Variants in SLC39A11 observed in about 807,000 individuals in gnomAD.
The protein encoded by SLC39A11 is solute carrier family 39 member 11, also known as zinc transporter ZIP11.
SLC39A11 carries 33 observed loss-of-function variants against 36.1 expected under a neutral mutation model. The observed-to-expected ratio is 0.91, with a 90% CI of 0.69 to 1.22. The LOEUF (loss-of-function observed/expected upper bound fraction) is 1.22, where lower values mean the gene tolerates loss of function less well. Ranked by LOEUF, SLC39A11 falls within the 50% of genes most tolerant of loss-of-function variation. SLC39A11 has a pLI of 0.00. For missense variants in SLC39A11, 432 were observed against 430.3 expected (o/e 1.00, Z -0.03); for synonymous variants, 166 against 170.3 (o/e 0.97, Z 0.20).
At chr17:72,754,051 TACACACACACACACACACAC>T (rs58802713) in intron 6 of SLC39A11, among the ~76,000 whole-genome samples, 8 of 108,068 alleles carry the variant, frequency 7.4e-5, no homozygotes, top group Admixed American at 5.1e-4. Flanking sequence ...TATATACACA[TACACACACACACACACACAC>T]ACACACACAC....
rs1433974732 is a variant in SLC39A11, at chr17:72,723,325, T to A, written c.671+13325A>T. Among the ~76,000 whole-genome samples the A allele has an allele frequency of 7.3e-5, 8 of 109,882 alleles. No homozygotes were observed. The East Asian group carries it at 1.0e-3, about 14-fold the overall frequency. The allele number at this position is 109,882 out of a possible 152,430, so 72.1% of individuals were successfully genotyped here. A position where few individuals can be genotyped will look rare whatever the true frequency, so the allele number is the denominator to read the frequency against. On this transcript the variant is annotated intron_variant, in intron 7 of 9. Coordinates refer to ENST00000255559, the MANE Select transcript of SLC39A11 (RefSeq NM_139177.4). Reference sequence around the variant, plus strand: ...TTGTCTTTGTAGGAGTGTAAGAGTGTGTGTGTGTGTGTGTGTGTGTGTGTG... The same window carrying A: ...TTGTCTTTGTAGGAGTGTAAGAGTGAGTGTGTGTGTGTGTGTGTGTGTGTG...
At chr17:72,882,216 C>A (rs952270196) in intron 5 of SLC39A11, among the ~76,000 whole-genome samples, 1 of 152,070 alleles carries the variant, frequency 6.6e-6, no homozygotes, top group African/African-American at 2.4e-5. Flanking sequence ...TGTAGCCAGG[C>A]ATGGTGGTGC....
chr17:72,946,655 T>C (rs1417822709), intron 5 of SLC39A11, among the ~76,000 whole-genome samples: 4 of 152,140 alleles, frequency 2.6e-5, no homozygotes, highest in Admixed American at 2.6e-4. Context: ...CTCCACAGCA[T>C]CCTGGCATGG....
At chr17:72,656,532 G>C (rs930638439) in intron 7 of SLC39A11, among the ~76,000 whole-genome samples, 3 of 152,056 alleles carry the variant, frequency 2.0e-5, no homozygotes, top group Non-Finnish European at 4.4e-5. Flanking sequence ...AGACGGGGGA[G>C]GCGGGAAGGG....
chr17:72,834,763 A>G (rs748655648), intron 6 of SLC39A11, among the ~76,000 whole-genome samples: 3 of 152,240 alleles, frequency 2.0e-5, no homozygotes, highest in Non-Finnish European at 4.4e-5. Flanking sequence ...AATGTATTCA[A>G]ATTCTCTTGC....
intron 7 of SLC39A11, among the ~76,000 whole-genome samples, 165 bp from the exon 8 acceptor site, chr17:72,649,433 A>G (rs1280521403): frequency 1.3e-5 from 2 of 152,200 alleles, no homozygotes; most frequent in Admixed American, 1.3e-4. Context: ...GTGTCTAGGT[A>G]AAGAGCAGGG....
chr17:72,908,872 T>A (rs2082808078), intron 5 of SLC39A11, among the ~76,000 whole-genome samples: 3 of 152,136 alleles, frequency 2.0e-5, no homozygotes, highest in Admixed American at 2.0e-4. Flanking sequence ...CCAGAGAAGG[T>A]TCCAGATCTT....
chr17:73,001,114 G>A (rs2089796237), intron 4 of SLC39A11, among the ~76,000 whole-genome samples: 1 of 152,012 alleles, frequency 6.6e-6, no homozygotes. Flanking sequence ...GCTCTGAAGG[G>A]CCCTTCTCTA....
chr17:72,923,434 G>A lies in SLC39A11; in HGVS notation c.430+24318C>T, dbSNP rs146494174. Among the ~76,000 whole-genome samples the A allele has an allele frequency of 9.3e-4, 142 of 152,260 alleles. 3 individuals carry two copies. The East Asian group carries it at 0.022, about 23-fold the overall frequency. ...TATATACAAAGAGCCACTGAGATGT[G>A]GGATTGCATGCAAAAAATTAGTACC... On this transcript the variant is annotated intron_variant, in intron 5 of 9. Coordinates refer to ENST00000255559, the MANE Select transcript of SLC39A11 (RefSeq NM_139177.4).
At chr17:72,970,948 G>A (rs2087400033) in intron 4 of SLC39A11, among the ~76,000 whole-genome samples, 1 of 152,230 alleles carries the variant, frequency 6.6e-6, no homozygotes, top group Non-Finnish European at 1.5e-5. Flanking sequence ...TCCGCTGGGT[G>A]TCTGGGGCTC....
At chr17:72,653,002 G>A (rs767788219) in intron 7 of SLC39A11, among the ~76,000 whole-genome samples, 2 of 152,174 alleles carry the variant, frequency 1.3e-5, no homozygotes, top group Admixed American at 6.5e-5. Flanking sequence ...AATGTCTGGA[G>A]GCTGGACGCT....
chr17:72,790,690 C>A (rs112514406), intron 6 of SLC39A11, among the ~76,000 whole-genome samples: 6,547 of 152,114 alleles, frequency 0.043, 164 homozygotes, highest in African/African-American at 0.065. Flanking sequence ...TGCCACCACA[C>A]CCAGCTAATT....
At chr17:73,004,333 C>T (rs2090066579) in intron 4 of SLC39A11, among the ~76,000 whole-genome samples, 1 of 152,170 alleles carries the variant, frequency 6.6e-6, no homozygotes, top group Non-Finnish European at 1.5e-5. Flanking sequence ...ATCAGGGTGC[C>T]AGCATCATCA....
intron 6 of SLC39A11, among the ~76,000 whole-genome samples, chr17:72,812,506 C>A (rs1292358238): frequency 6.6e-6 from 1 of 152,150 alleles, no homozygotes; most frequent in Non-Finnish European, 1.5e-5. Flanking sequence ...GATAATGTGC[C>A]TTTAAGCAAC....
At chr17:72,906,771 T>C (rs1193946225) in intron 5 of SLC39A11, among the ~76,000 whole-genome samples, 11 of 152,212 alleles carry the variant, frequency 7.2e-5, no homozygotes, top group Non-Finnish European at 1.6e-4. Context: ...AATGATGCTT[T>C]CCCTGGACAG....
rs558605955 is a variant in SLC39A11, at chr17:73,088,829, C to T, written c.-11-54G>A. On this transcript the variant is annotated intron_variant, in intron 1 of 9. Transcript: ENST00000255559. The stretch of plus-strand genomic sequence containing the variant: ...ACCGGTGGTCCGTTTCAGTGACAGG[C>T]GCATATTCTGACGGGTCCTAACACC... 1.0e-4 allele frequency: 136 copies of T among 1,341,934 alleles called. No homozygotes were observed. The South Asian group carries it at 1.5e-3, about 14-fold the overall frequency. The allele number at this position is 1,341,934 out of a possible 1,614,324, so 83.1% of individuals were successfully genotyped here.
intron 4 of SLC39A11, among the ~76,000 whole-genome samples, chr17:72,980,652 C>T (rs1331511513): frequency 6.6e-6 from 1 of 152,150 alleles, no homozygotes; most frequent in Non-Finnish European, 1.5e-5. Flanking sequence ...GATGATAAGA[C>T]GTGAAGTTGC....
intron 4 of SLC39A11, among the ~76,000 whole-genome samples, chr17:73,030,297 C>T (rs974858280): frequency 1.3e-5 from 2 of 152,216 alleles, no homozygotes; most frequent in African/African-American, 2.4e-5. Flanking sequence ...GTATCACAGC[C>T]GTCCAACATC....
At chr17:72,801,018 C>G (rs1471388785) in intron 6 of SLC39A11, among the ~76,000 whole-genome samples, 1 of 152,214 alleles carries the variant, frequency 6.6e-6, no homozygotes, top group Non-Finnish European at 1.5e-5. Context: ...ACAGGTACGT[C>G]TTGCTAACAC....
Sources: gnomAD v4.1 joint callset for allele counts (sites outside exome capture counted in the v4.1 genomes callset) on GRCh38, gnomAD v4.1.1 for gene constraint, MANE v1.5 for transcripts, NCBI Gene and HGNC (gene_info 2026-07-23, HGNC 2026-07-21) for gene names.